The following CDH9 variants were observed in gnomAD, a reference collection of about 807,000 sequenced individuals.
CDH9 encodes the protein cadherin 9, also known as cadherin-9.
A neutral mutation model predicts 70.9 loss-of-function variants in CDH9; 28 were observed. That is an observed-to-expected ratio of 0.40 (90% CI 0.29 to 0.54). The LOEUF (loss-of-function observed/expected upper bound fraction) is 0.54. Ranked by LOEUF, CDH9 falls within the 20% of genes least tolerant of loss-of-function variation. CDH9 has a pLI of 0.59. For missense variants in CDH9, 874 were observed against 984.4 expected, an observed-to-expected ratio of 0.89 and a Z score of 1.50; for synonymous variants, 409 against 343.1, an observed-to-expected ratio of 1.19 and a Z score of -2.12.
chr5:26,990,994 A>G (rs1403982203), intron 1 of CDH9, among the ~76,000 whole-genome samples: 1 of 152,210 alleles, frequency 6.6e-6, no homozygotes, highest in Non-Finnish European at 1.5e-5. Context: ...GAGTTTATAA[A>G]CTACAGTAAG....
At chr5:27,018,786 T>C (rs974403736) in intron 1 of CDH9, among the ~76,000 whole-genome samples, 5 of 151,980 alleles carry the variant, frequency 3.3e-5, no homozygotes, top group Non-Finnish European at 5.9e-5. Flanking sequence ...GTTAGGAAGA[T>C]GTAAACCAGC....
chr5:26,958,279 T>C (rs1741978521), intron 2 of CDH9, among the ~76,000 whole-genome samples: 1 of 152,186 alleles, frequency 6.6e-6, no homozygotes, highest in Admixed American at 6.5e-5. Flanking sequence ...TTGGATTCTA[T>C]TACTCATCTT....
intron 7 of CDH9, among the ~76,000 whole-genome samples, chr5:26,893,052 T>C (rs1403291411): frequency 2.0e-5 from 3 of 152,086 alleles, no homozygotes; most frequent in Non-Finnish European, 2.9e-5. Context: ...AATTTTTAAA[T>C]TATTGGGTGA....
intron 2 of CDH9, among the ~76,000 whole-genome samples, chr5:26,978,948 C>T (rs764561098): frequency 1.1e-4 from 16 of 151,524 alleles, no homozygotes; most frequent in East Asian, 1.9e-4. Context: ...TTTCTATTAA[C>T]GAAAAGCTAA....
chr5:26,963,480 A>G (rs559262998), intron 2 of CDH9, among the ~76,000 whole-genome samples: 1 of 152,266 alleles, frequency 6.6e-6, no homozygotes, highest in South Asian at 2.1e-4. Flanking sequence ...TGGATATTTC[A>G]GCCCATCGAG....
chr5:27,036,928 C>A (rs1211385117), intron 1 of CDH9, among the ~76,000 whole-genome samples: 5 of 151,912 alleles, frequency 3.3e-5, no homozygotes, highest in Non-Finnish European at 7.4e-5. Context: ...GCTGTAATAG[C>A]ATGTTATTTC....
At position 26,993,922 on chromosome 5, in the gene CDH9, A is replaced by G. The variant is rs1742623927; in HGVS notation, c.-49-5540T>C. On this transcript the variant is annotated intron_variant, in intron 1 of 11. Transcript: ENST00000231021. ...GTTCAGAAAGTGAGACCACTGCCCC[A>G]GTGGACTTGGACCGCAGAGCACTAA... Among the ~76,000 whole-genome samples the G allele has an allele frequency of 2.0e-5, 3 of 152,060 alleles. No homozygotes were observed. The South Asian group carries it at 6.2e-4, about 32-fold the overall frequency.
intron 2 of CDH9, among the ~76,000 whole-genome samples, chr5:26,955,751 T>C (rs189503195): frequency 1.6e-4 from 24 of 152,262 alleles, no homozygotes; most frequent in Non-Finnish European, 2.4e-4. Context: ...ATCTTCACAG[T>C]TTCTCACTGC....
rs1478985323 is a variant in CDH9 at position 26,933,054 on chromosome 5, TAAATATAATTCTATTTATATTATAC to T, written c.229-17155_229-17131del. On this transcript the variant is annotated intron_variant, in intron 2 of 11. Coordinates refer to ENST00000231021, the MANE Select transcript of CDH9 (RefSeq NM_016279.4). The stretch of plus-strand genomic sequence containing the variant: ...GTATTATTTATATTTTACTTAAATA[TAAATATAATTCTATTTATATTATAC>T]AAATATAATTCTATTTATATTATAC... 1.1e-4 allele frequency among the ~76,000 whole-genome samples: 16 copies of T among 147,490 alleles called. No individual in the cohort carries two copies. The South Asian group carries it at 2.1e-3, about 19-fold the overall frequency.
At chr5:27,024,877 G>A (rs773198264) in intron 1 of CDH9, among the ~76,000 whole-genome samples, 1 of 152,050 alleles carries the variant, frequency 6.6e-6, no homozygotes, top group African/African-American at 2.4e-5. Flanking sequence ...GAATGGAGGT[G>A]CAGGAAAGTA....
chr5:27,015,018 C>T (rs1271345754), intron 1 of CDH9, among the ~76,000 whole-genome samples: 1 of 151,810 alleles, frequency 6.6e-6, no homozygotes, highest in East Asian at 1.9e-4. Context: ...GACTGCGATG[C>T]AAGGATCACA....
chr5:27,017,056 T>C (rs1743057959), intron 1 of CDH9, among the ~76,000 whole-genome samples: 1 of 151,984 alleles, frequency 6.6e-6, no homozygotes, highest in South Asian at 2.1e-4. Flanking sequence ...CTTTCTATTC[T>C]TTCTATGTGT....
chr5:27,030,164 T>C (rs1743286840), intron 1 of CDH9, among the ~76,000 whole-genome samples: 1 of 152,024 alleles, frequency 6.6e-6, no homozygotes, highest in Admixed American at 6.6e-5. Flanking sequence ...GTACTTCTCC[T>C]CGTTCTACTT....
At chr5:26,904,373 G>T (rs1740910272) in intron 5 of CDH9, among the ~76,000 whole-genome samples, 1 of 5,334 alleles carries the variant, frequency 1.9e-4, no homozygotes, top group Non-Finnish European at 1.4e-3. Context: ...TTGTATTCTG[G>T]TAACCCTAAA....
intron 2 of CDH9, among the ~76,000 whole-genome samples, chr5:26,919,375 T>G (rs779587362): frequency 2.6e-5 from 4 of 152,148 alleles, no homozygotes; most frequent in Non-Finnish European, 5.9e-5. Flanking sequence ...GCATTTAGAC[T>G]AACCCTGGCC....
chr5:26,989,040 G>A (rs997770220), intron 1 of CDH9, among the ~76,000 whole-genome samples: 9 of 151,896 alleles, frequency 5.9e-5, no homozygotes, highest in South Asian at 4.2e-4. Flanking sequence ...AGGAGTACAC[G>A]CTCTAAATAA....
At chr5:26,890,721 T>A in intron 7 of CDH9, 157 bp from the exon 8 acceptor site, 1 of 586,334 alleles carries the variant, frequency 1.7e-6, no homozygotes, top group Non-Finnish European at 3.0e-6. Context: ...GAATTGTTAT[T>A]TGAGCAATTT....
At position 27,033,876 on chromosome 5, in the gene CDH9, T is replaced by C. The variant is rs551702704; in HGVS notation, c.-50+4587A>G. ...TTTTATAAAAGCAGTATATTTTATATAATGTCTTTTGACCCAGGAAGTGAA... is the reference window on the plus strand; with the variant it reads ...TTTTATAAAAGCAGTATATTTTATACAATGTCTTTTGACCCAGGAAGTGAA... On this transcript the variant is annotated intron_variant, in intron 1 of 11. Transcript: ENST00000231021. Among the ~76,000 whole-genome samples, 9 of 151,706 alleles carry C rather than the reference T, an allele frequency of 5.9e-5. No individual in the cohort carries two copies. In the East Asian group the frequency reaches 1.6e-3, roughly 26 times the overall value.
In CDH9 at chr5:26,915,863, G is replaced by C; in HGVS notation, c.290C>G (p.Ala97Gly). ...TTCATCTATAACAAATAGACTGCCA[G>C]CCCCATCTCCTGTTAGTATGTATTT... ...NLKYILTGDG[A>G]GSLFVIDENT... Residue 97 changes from alanine (A) to glycine (G), a missense_variant, in exon 3 of 12, where the codon GCT becomes GGT. Coordinates refer to ENST00000231021, the MANE Select transcript of CDH9 (RefSeq NM_016279.4). The C allele has an allele frequency of 1.2e-6, 2 of 1,611,632 alleles. No homozygotes were observed. The highest frequency in any genetic ancestry group is 1.7e-6 in the Non-Finnish European group (2 of 1,177,900).
Sources: allele counts gnomAD v4.1 joint callset (sites outside exome capture counted in the v4.1 genomes callset), GRCh38; gene constraint gnomAD v4.1.1; transcripts MANE v1.5; gene names NCBI Gene and HGNC (gene_info 2026-07-23, HGNC 2026-07-21).